The following PLA2R1 variants were observed in gnomAD, a reference collection of about 807,000 sequenced individuals.
The protein encoded by PLA2R1 is secretory phospholipase A2 receptor.
Under a neutral mutation model 195.9 loss-of-function variants are expected in PLA2R1, and 158 were observed. The observed-to-expected ratio is 0.81, with a 90% CI of 0.71 to 0.92. PLA2R1 has a LOEUF of 0.92. Ranked by LOEUF, PLA2R1 falls within the 40% of genes least tolerant of loss-of-function variation. The pLI is 0.00. For synonymous variants in PLA2R1, 586 were observed against 598.2 expected (o/e 0.98, Z 0.30); for missense variants, 1,626 against 1,764.6 (o/e 0.92, Z 1.41).
chr2:160,044,813 C>T lies in PLA2R1; in HGVS notation c.454G>A (p.Gly152Arg). The T allele has an allele frequency of 1.9e-6, 3 of 1,613,716 alleles. No individual in the cohort carries two copies. The highest frequency in any genetic ancestry group is 2.2e-5 in the East Asian group (1 of 44,882). The stretch of plus-strand genomic sequence containing the variant: ...TCACAAATGTCTCCACCACCTGACC[C>T]ATAAGAAATCCACTTATGAATATAC... The part of the protein sequence containing the change: ...RKYIHKWISY[G>R]SGGGDICEYL... The change falls in exon 2 of 30, where the codon GGG (glycine) becomes AGG (arginine). Residue 152 changes from glycine to arginine, a missense_variant. Transcript: ENST00000283243.
At chr2:159,977,779 T>C (rs1689676645) in intron 14 of PLA2R1, among the ~76,000 whole-genome samples, 1 of 151,672 alleles carries the variant, frequency 6.6e-6, no homozygotes, top group Non-Finnish European at 1.5e-5. Context: ...CTACTAAAAA[T>C]ACAAAAACAA....
rs113304621 is a variant in PLA2R1, at chr2:159,970,149, G to A, written c.2659C>T (p.Arg887Cys). 6.6e-4 allele frequency: 1,049 copies of A among 1,592,450 alleles called. 1 individual carries two copies. The highest frequency in any genetic ancestry group is 7.9e-4 in the Non-Finnish European group (924 of 1,163,130). ...LQEERANDEF[R>C]WRDGTPVIYQ... ...ATGCAAATGAATCTAGGTTCATACC[G>A]AAATTCATCATTGGCTCTTTCTTCT... is the stretch of plus-strand genomic sequence containing the variant. Residue 887 changes from arginine (R) to cysteine (C), a missense_variant and splice_region_variant, in exon 18 of 30, where the codon CGC becomes TGC. By Grantham distance (180) the Arg-to-Cys change is radical (BLOSUM62 -3). Transcript: ENST00000283243.
chr2:160,015,983 A>AG (rs1692715407), intron 9 of PLA2R1, among the ~76,000 whole-genome samples: 1 of 152,098 alleles, frequency 6.6e-6, no homozygotes. Flanking sequence ...GAAAACCATA[A>AG]GTCAGGCACA....
Position 159,962,082 on chromosome 2 carries a change from T to A in PLA2R1, c.2905-5455A>T, listed in dbSNP as rs1041691441. 2.0e-5 allele frequency among the ~76,000 whole-genome samples: 3 copies of A among 152,046 alleles called. No homozygotes were observed. The East Asian group carries it at 5.8e-4, about 29-fold the overall frequency. ...TTCTGCACAGCAAAAGAAACTATCA[T>A]CAGAATAAACAGGCAACCTACAGAA... On this transcript the variant is annotated intron_variant, in intron 20 of 29. Transcript: ENST00000283243.
intron 20 of PLA2R1, 142 bp from the exon 21 acceptor site, chr2:159,956,769 T>C: frequency 1.7e-6 from 1 of 604,854 alleles, no homozygotes. Context: ...TTTCACCTCC[T>C]CCAAAGGTGT....
intron 28 of PLA2R1, among the ~76,000 whole-genome samples, chr2:159,944,396 T>A (rs184392273): frequency 4.0e-4 from 61 of 152,330 alleles, no homozygotes; most frequent in African/African-American, 1.4e-3. Context: ...CTTAGATTTC[T>A]AAAATTATTG....
chr2:159,968,496 T>A (rs1276946155), intron 19 of PLA2R1, among the ~76,000 whole-genome samples: 1 of 152,228 alleles, frequency 6.6e-6, no homozygotes, highest in Admixed American at 6.5e-5. Flanking sequence ...TTGTGACACC[T>A]GCTGGTAAAA....
intron 23 of PLA2R1, among the ~76,000 whole-genome samples, chr2:159,953,229 T>C (rs1218434944): frequency 6.6e-6 from 1 of 152,228 alleles, no homozygotes. Context: ...TGCCACCCAT[T>C]GCCCTGAAAA....
chr2:159,998,894 A>G lies in PLA2R1; in HGVS notation c.1834+6758T>C, dbSNP rs375734685. ...CTTCATTTAACTGTTAGAGTTCTTT[A>G]TTTTATACTTCTTACAACACTCACC... On this transcript the variant is annotated intron_variant, in intron 11 of 29. Transcript: ENST00000283243. 5.9e-5 allele frequency among the ~76,000 whole-genome samples: 9 copies of G among 152,214 alleles called. No individual in the cohort carries two copies. In the East Asian group the frequency reaches 1.7e-3, roughly 29 times the overall value.
chr2:160,060,302 G>T (rs1366865529), intron 1 of PLA2R1, among the ~76,000 whole-genome samples: 1 of 152,126 alleles, frequency 6.6e-6, no homozygotes, highest in African/African-American at 2.4e-5. Context: ...CTAACTACAT[G>T]GTAGCCATAC....
chr2:160,062,564 G>A lies in PLA2R1; in HGVS notation c.-161C>T, dbSNP rs901799013. ...GGGGCCTTGCCAGCCCAGAGCCCTG[G>A]AGACCCACTCCGCCACCGCTGTCTC... On this transcript the variant is annotated 5_prime_UTR_variant, in exon 1 of 30. Transcript: ENST00000283243. The A allele has an allele frequency of 4.7e-6, 6 of 1,265,882 alleles. No homozygotes were observed. In the East Asian group the frequency reaches 1.6e-4, roughly 33 times the overall value. The allele number at this position is 1,265,882 out of a possible 1,614,324, so 78.4% of individuals were successfully genotyped here.
At chr2:159,953,138 G>C (rs1416289155) in intron 23 of PLA2R1, among the ~76,000 whole-genome samples, 1 of 152,176 alleles carries the variant, frequency 6.6e-6, no homozygotes, top group African/African-American at 2.4e-5. Flanking sequence ...TTATATGTCT[G>C]TATTTTTACA....
At position 159,987,235 on chromosome 2, in the gene PLA2R1, GC is replaced by G. The variant is rs200401364; in HGVS notation, c.1957del (p.Ala653GlnfsTer35). The G allele has an allele frequency of 6.3e-3, 10,096 of 1,613,714 alleles. 337 individuals are homozygous for G. The African/African-American group carries it at 0.09, about 14-fold the overall frequency. The part of the protein sequence containing the change: ...CKQPVENQEK[A>X]EYEERWPFHP... ...AAAGGGCCATCTCTCTTCATACTCT[GC>G]TTTTTCCTGATTTTCAACTGGCTGC... On this transcript the variant is annotated frameshift_variant, in exon 12 of 30. Transcript: ENST00000283243. LOFTEE classifies it high-confidence loss of function.
intron 17 of PLA2R1, among the ~76,000 whole-genome samples, chr2:159,974,759 C>G (rs1689425373): frequency 6.6e-6 from 1 of 151,946 alleles, no homozygotes; most frequent in Non-Finnish European, 1.5e-5. Context: ...TCTATGGGAC[C>G]ATGTGATTGT....
At position 159,977,495 on chromosome 2, in the gene PLA2R1, A is replaced by G. The variant is rs904008396; in HGVS notation, c.2269-79T>C. The G allele has an allele frequency of 4.6e-6, 6 of 1,293,770 alleles. 1 individual carries two copies. In the African/African-American group the frequency reaches 8.8e-5, roughly 19 times the overall value. The allele number at this position is 1,293,770 out of a possible 1,614,324, so 80.1% of individuals were successfully genotyped here. ...AAAAGATCAAAAAGGGCATCCCTGTACATAAGCATTATAGGCTACTCCAGG... is the reference window on the plus strand; with the variant it reads ...AAAAGATCAAAAAGGGCATCCCTGTGCATAAGCATTATAGGCTACTCCAGG... On this transcript the variant is annotated intron_variant, in intron 14 of 29. Coordinates refer to ENST00000283243, the MANE Select transcript of PLA2R1 (RefSeq NM_007366.5).
rs1336908513 is a variant in PLA2R1 at position 159,933,177 on chromosome 2, G to T, written c.*8601C>A. On this transcript the variant is annotated 3_prime_UTR_variant, in exon 30 of 30. Transcript: ENST00000283243. ...TAAATTACAGCAAAGTGCTCTGCAA[G>T]AAACAAGTGCTTGTGTTAATTAATT... 6.6e-6 allele frequency: 1 copy of T among 152,164 alleles called. No individual in the cohort carries two copies. The highest frequency in any genetic ancestry group is 1.5e-5 in the Non-Finnish European group (1 of 68,028). The allele number at this position is 152,164 out of a possible 1,614,324, so 9.4% of individuals were successfully genotyped here.
At chr2:160,033,185 A>G in intron 3 of PLA2R1, 53 bp from the exon 4 acceptor site, 2 of 1,360,482 alleles carry the variant, frequency 1.5e-6, no homozygotes, top group South Asian at 2.6e-5. Context: ...CTATACAGCA[A>G]CATATTTCTA....
chr2:160,010,000 C>A (rs992350539), intron 10 of PLA2R1, among the ~76,000 whole-genome samples: 6 of 151,802 alleles, frequency 4.0e-5, no homozygotes, highest in African/African-American at 1.5e-4. Flanking sequence ...GTCCCAACTA[C>A]TTGGGGGGCT....
intron 25 of PLA2R1, 56 bp downstream of exon 25, chr2:159,949,552 C>T (rs997618736): frequency 2.3e-6 from 3 of 1,309,270 alleles, no homozygotes; most frequent in Non-Finnish European, 3.3e-6. Context: ...AGCACAGTGT[C>T]TTGCATACAG....
Sources: allele counts gnomAD v4.1 joint callset (sites outside exome capture counted in the v4.1 genomes callset), GRCh38; gene constraint gnomAD v4.1.1; transcripts MANE v1.5; gene names NCBI Gene and HGNC (gene_info 2026-07-23, HGNC 2026-07-21).